Variants in ZNF704 observed in about 807,000 individuals in gnomAD.
The protein encoded by ZNF704 is zinc finger protein 704, also known as glucocorticoid induced gene 1.
Under a neutral mutation model 44.7 loss-of-function variants are expected in ZNF704, and 10 were observed. The ratio of observed to expected loss-of-function variants is 0.22; its 90% CI spans 0.14 to 0.38. ZNF704 has a LOEUF of 0.38. Ranked by LOEUF, ZNF704 falls within the 10% of genes least tolerant of loss-of-function variation. The probability of loss-of-function intolerance (pLI) is 1.00; values close to 1 mark genes in which losing one functional copy is unlikely to be tolerated. For synonymous variants in ZNF704, 211 were observed against 207.6 expected (o/e 1.02, Z -0.14); for missense variants, 390 against 545.5 (o/e 0.71, Z 2.84).
chr8:80,656,181 C>T (rs1185123934), intron 7 of ZNF704, among the ~76,000 whole-genome samples: 2 of 152,122 alleles, frequency 1.3e-5, no homozygotes, highest in African/African-American at 4.8e-5. Flanking sequence ...CTCTCTCTCT[C>T]GATTTCTCTC....
intron 2 of ZNF704, among the ~76,000 whole-genome samples, chr8:80,749,323 T>G (rs1806902144): frequency 6.6e-6 from 1 of 152,126 alleles, no homozygotes; most frequent in Admixed American, 6.6e-5. Flanking sequence ...CTTTTTGTCT[T>G]TTATAGTGAT....
intron 2 of ZNF704, among the ~76,000 whole-genome samples, chr8:80,760,654 C>CAAA (rs1156753093): frequency 2.5e-4 from 15 of 59,852 alleles, no homozygotes; most frequent in African/African-American, 4.8e-4. Context: ...GACTCCATCT[C>CAAA]AAAAAAAAAA....
At chr8:80,688,790 C>T (rs1303560536) in intron 3 of ZNF704, among the ~76,000 whole-genome samples, 2 of 152,136 alleles carry the variant, frequency 1.3e-5, no homozygotes, top group Non-Finnish European at 2.9e-5. Context: ...GAAACCCCGT[C>T]TCTACTAAAA....
intron 2 of ZNF704, among the ~76,000 whole-genome samples, chr8:80,719,669 A>C (rs755749121): frequency 2.0e-5 from 3 of 152,198 alleles, no homozygotes; most frequent in Non-Finnish European, 4.4e-5. Context: ...CCTTTTCACT[A>C]TGAATTTTAG....
In ZNF704 at chr8:80,847,348, G is replaced by A. The variant is rs1275720947; in HGVS notation, c.-21-25733C>T. On this transcript the variant is annotated intron_variant, in intron 1 of 8. Transcript: ENST00000327835. Reference sequence around the variant, plus strand: ...CAAGGAAGACCTATATAAATTGGGGGACATATTGTGGTAATGGCTCAAGAG... The same window carrying A: ...CAAGGAAGACCTATATAAATTGGGGAACATATTGTGGTAATGGCTCAAGAG... 2.0e-5 allele frequency among the ~76,000 whole-genome samples: 3 copies of A among 152,138 alleles called. No homozygotes were observed. The East Asian group carries it at 5.8e-4, about 29-fold the overall frequency.
rs780605894 is a variant in ZNF704 at position 80,801,804 on chromosome 8, G to T, written c.221+19570C>A. Among the ~76,000 whole-genome samples the T allele has an allele frequency of 2.0e-5, 3 of 152,016 alleles. No individual in the cohort carries two copies. In the South Asian group the frequency reaches 6.2e-4, roughly 31 times the overall value. Reference sequence around the variant, plus strand: ...CAAACAAACCCCAACGCTAGCAGAAGACAAGAAATAACCAAGATCAGAGTT... The same window carrying T: ...CAAACAAACCCCAACGCTAGCAGAATACAAGAAATAACCAAGATCAGAGTT... On this transcript the variant is annotated intron_variant, in intron 2 of 8. Transcript: ENST00000327835.
intron 1 of ZNF704, among the ~76,000 whole-genome samples, chr8:80,826,866 AT>A (rs1808386542): frequency 6.6e-6 from 1 of 152,224 alleles, no homozygotes; most frequent in Non-Finnish European, 1.5e-5. Context: ...CTTTAACAAA[AT>A]TCAACAACCC....
intron 2 of ZNF704, among the ~76,000 whole-genome samples, chr8:80,716,621 T>C (rs530340786): frequency 6.6e-6 from 1 of 152,374 alleles, no homozygotes; most frequent in African/African-American, 2.4e-5. Flanking sequence ...AGATGTCTAA[T>C]TGCATGTTCA....
intron 2 of ZNF704, among the ~76,000 whole-genome samples, chr8:80,747,776 G>A (rs1475753224): frequency 6.6e-6 from 1 of 152,218 alleles, no homozygotes; most frequent in Non-Finnish European, 1.5e-5. Context: ...GAGTGCAGTG[G>A]TGCTATCTCG....
In ZNF704 at chr8:80,687,207, C is replaced by T. The variant is rs755562551; in HGVS notation, c.558+19G>A. 20 of 1,602,004 alleles carry T rather than the reference C, an allele frequency of 1.2e-5. No individual in the cohort carries two copies. Among genetic ancestry groups the T allele is most frequent in the Admixed American group, 3.4e-5 (2 of 59,572 alleles). ...CTTCAGGAAACTGAATGCAGAAGAC[C>T]GCGTGGCTGACCACCAACCTTTCTT... On this transcript the variant is annotated intron_variant, in intron 4 of 8. Coordinates refer to ENST00000327835, the MANE Select transcript of ZNF704 (RefSeq NM_001033723.3).
intron 1 of ZNF704, among the ~76,000 whole-genome samples, chr8:80,834,087 G>A (rs1016997980): frequency 9.9e-5 from 15 of 152,154 alleles, no homozygotes; most frequent in African/African-American, 2.9e-4. Flanking sequence ...CCAGCTACTC[G>A]GGAGGCTGGG....
chr8:80,745,417 T>C (rs904611143), intron 2 of ZNF704, among the ~76,000 whole-genome samples: 4 of 152,174 alleles, frequency 2.6e-5, no homozygotes, highest in African/African-American at 9.6e-5. Flanking sequence ...GTGGCAATTA[T>C]GCAGCTAAGT....
chr8:80,710,315 TTCAGCC>T (rs1818964308), intron 2 of ZNF704, among the ~76,000 whole-genome samples: 1 of 152,182 alleles, frequency 6.6e-6, no homozygotes, highest in Non-Finnish European at 1.5e-5. Context: ...TCAGCCACTG[TTCAGCC>T]TGTATATTCA....
intron 2 of ZNF704, among the ~76,000 whole-genome samples, chr8:80,745,845 CT>C (rs1440873139): frequency 1.3e-5 from 2 of 152,128 alleles, no homozygotes; most frequent in African/African-American, 4.8e-5. Context: ...CAAGCAGACT[CT>C]AAAGACAGTG....
intron 2 of ZNF704, among the ~76,000 whole-genome samples, chr8:80,714,254 A>G (rs1307976152): frequency 5.3e-5 from 8 of 152,168 alleles, no homozygotes; most frequent in Non-Finnish European, 1.2e-4. Context: ...TACTGATGAA[A>G]AGCAGCTGTA....
intron 1 of ZNF704, among the ~76,000 whole-genome samples, chr8:80,856,364 T>A (rs1467739011): frequency 6.6e-6 from 1 of 152,146 alleles, no homozygotes; most frequent in East Asian, 1.9e-4. Context: ...AATGCTAAAA[T>A]GATGACCTAA....
At chr8:80,714,991 A>G (rs1164099504) in intron 2 of ZNF704, among the ~76,000 whole-genome samples, 1 of 152,228 alleles carries the variant, frequency 6.6e-6, no homozygotes, top group Non-Finnish European at 1.5e-5. Context: ...AAGATTAAAA[A>G]GAATTATGGA....
At chr8:80,741,466 T>C (rs1170757870) in intron 2 of ZNF704, among the ~76,000 whole-genome samples, 2 of 152,228 alleles carry the variant, frequency 1.3e-5, no homozygotes, top group Non-Finnish European at 2.9e-5. Context: ...TTACAGGTAG[T>C]GGCAGCAGTA....
chr8:80,776,698 G>C lies in ZNF704; in HGVS notation c.221+44676C>G, dbSNP rs189561725. On this transcript the variant is annotated intron_variant, in intron 2 of 8. Coordinates refer to ENST00000327835, the MANE Select transcript of ZNF704 (RefSeq NM_001033723.3). ...GTCTTGCTATGCTGCCCAGGCTGAA[G>C]TGCAGTGGCTATTCACAGGTGTGAT... The C allele has an allele frequency of 3.0e-4, 46 of 152,302 alleles. No homozygotes were observed. In the East Asian group the frequency reaches 8.7e-3, roughly 29 times the overall value. 9.4% of individuals were successfully genotyped at this position (152,302 alleles called of 1,614,324 possible). A position where few individuals can be genotyped will look rare whatever the true frequency, so the allele number is the denominator to read the frequency against.
Sources: gnomAD v4.1 joint callset for allele counts (sites outside exome capture counted in the v4.1 genomes callset) on GRCh38, gnomAD v4.1.1 for gene constraint, MANE v1.5 for transcripts, NCBI Gene and HGNC (gene_info 2026-07-23, HGNC 2026-07-21) for gene names.